TCF12: variants seen among roughly 807,000 people sequenced by gnomAD.
The protein encoded by TCF12 is DNA-binding protein HTF4.
TCF12 carries 45 observed loss-of-function variants against 86.0 expected under a neutral mutation model. The ratio of observed to expected loss-of-function variants is 0.52; its 90% CI spans 0.41 to 0.67. The LOEUF (loss-of-function observed/expected upper bound fraction) is 0.67. Ranked by LOEUF, TCF12 falls within the 30% of genes least tolerant of loss-of-function variation. The probability of loss-of-function intolerance (pLI) is 0.00; values close to 1 mark genes in which losing one functional copy is unlikely to be tolerated. For synonymous variants in TCF12, 330 were observed against 299.6 expected (o/e 1.10, Z -1.05); for missense variants, 881 against 859.9 (o/e 1.02, Z -0.31).
intron 3 of TCF12, among the ~76,000 whole-genome samples, chr15:57,020,815 C>G (rs977983240): frequency 3.9e-5 from 6 of 152,088 alleles, no homozygotes; most frequent in African/African-American, 1.2e-4. Flanking sequence ...TCAGGGAAGA[C>G]TTCATGGAAG....
intron 4 of TCF12, among the ~76,000 whole-genome samples, chr15:57,064,623 C>T (rs544775332): frequency 2.0e-5 from 3 of 151,768 alleles, no homozygotes; most frequent in Admixed American, 6.6e-5. Flanking sequence ...AGTGAAACCC[C>T]ATCTCTACTA....
rs141368278 is a variant in TCF12 at position 57,021,900 on chromosome 15, C to T, written c.149-41850C>T. ...ATGTGCAGGGGTCTTTAATCAGTCC[C>T]CGGCTTGTACTGAGGGATGACTGTA... On this transcript the variant is annotated intron_variant, in intron 3 of 20. Transcript: ENST00000333725. 1.9e-3 allele frequency among the ~76,000 whole-genome samples: 284 copies of T among 152,060 alleles called. 3 individuals carry two copies. The highest frequency in any genetic ancestry group is 2.1e-3 in the African/African-American group (89 of 41,474).
intron 5 of TCF12, among the ~76,000 whole-genome samples, chr15:57,110,319 G>A (rs79858447): frequency 2.0e-5 from 3 of 152,106 alleles, no homozygotes; most frequent in Non-Finnish European, 2.9e-5. Context: ...ATAGTTGGGG[G>A]AAAAATGATG....
chr15:56,979,454 C>A lies in TCF12; in HGVS notation c.148+58356C>A, dbSNP rs536810750. ...ACTTGCTTGTTGTGAACCATGCATTCCTGAGAGATGGGCAATGATAGTAGA... is the reference window on the plus strand; with the variant it reads ...ACTTGCTTGTTGTGAACCATGCATTACTGAGAGATGGGCAATGATAGTAGA... On this transcript the variant is annotated intron_variant, in intron 3 of 20. Transcript: ENST00000333725. Among the ~76,000 whole-genome samples, 4 of 152,198 alleles carry A rather than the reference C, an allele frequency of 2.6e-5. No homozygotes were observed. In the South Asian group the frequency reaches 8.3e-4, roughly 32 times the overall value.
chr15:56,982,012 A>T (rs573197719), intron 3 of TCF12, among the ~76,000 whole-genome samples: 1 of 152,260 alleles, frequency 6.6e-6, no homozygotes, highest in East Asian at 1.9e-4. Flanking sequence ...GGGGGAAAAA[A>T]ACACATGTGA....
chr15:57,038,182 A>G (rs1250188455), intron 3 of TCF12, among the ~76,000 whole-genome samples: 1 of 152,140 alleles, frequency 6.6e-6, no homozygotes, highest in Non-Finnish European at 1.5e-5. Flanking sequence ...GCTCATGCCT[A>G]GCACATTGGG....
intron 4 of TCF12, among the ~76,000 whole-genome samples, chr15:57,084,091 T>G (rs1207030412): frequency 6.6e-6 from 1 of 152,212 alleles, no homozygotes; most frequent in Non-Finnish European, 1.5e-5. Flanking sequence ...AAGCATGGGT[T>G]TTAATAAAAT....
intron 5 of TCF12, among the ~76,000 whole-genome samples, chr15:57,149,126 C>CAA (rs1375761492): frequency 6.6e-6 from 1 of 151,958 alleles, no homozygotes; most frequent in Non-Finnish European, 1.5e-5. Context: ...ATAAAAGTGT[C>CAA]AAAATAAATG....
chr15:57,191,739 T>A (rs1938760946), intron 6 of TCF12, among the ~76,000 whole-genome samples: 1 of 151,842 alleles, frequency 6.6e-6, no homozygotes, highest in South Asian at 2.1e-4. Flanking sequence ...GGAGTTTGAG[T>A]CCAGTCTGGC....
chr15:56,960,164 A>G (rs1219497485), intron 3 of TCF12, among the ~76,000 whole-genome samples: 1 of 152,212 alleles, frequency 6.6e-6, no homozygotes, highest in Non-Finnish European at 1.5e-5. Context: ...TGAATTGGAC[A>G]TATTTACTCA....
chr15:57,016,247 A>G (rs1213668444), intron 3 of TCF12, among the ~76,000 whole-genome samples: 1 of 152,216 alleles, frequency 6.6e-6, no homozygotes, highest in Admixed American at 6.5e-5. Context: ...ATTGTTATGT[A>G]TGATAGAATT....
chr15:57,213,951 T>A (rs1169032297), intron 8 of TCF12: 1 of 152,234 alleles, frequency 6.6e-6, no homozygotes, highest in Non-Finnish European at 1.5e-5. Context: ...TCATTGTTTT[T>A]TTTAATGTGT....
At chr15:57,281,158 C>T (rs1283384725) in intron 19 of TCF12, among the ~76,000 whole-genome samples, 1 of 145,530 alleles carries the variant, frequency 6.9e-6, no homozygotes, top group Non-Finnish European at 1.5e-5. Context: ...GGCTAGAGTG[C>T]AGTGGCACGA....
intron 3 of TCF12, among the ~76,000 whole-genome samples, chr15:57,048,392 G>T (rs1680081127): frequency 6.6e-6 from 1 of 152,074 alleles, no homozygotes; most frequent in Non-Finnish European, 1.5e-5. Context: ...CTCACAAGTA[G>T]CTGGGACTAC....
chr15:57,121,530 G>A lies in TCF12; in HGVS notation c.325+29639G>A, dbSNP rs139062058. Among the ~76,000 whole-genome samples the A allele has an allele frequency of 3.7e-3, 566 of 152,248 alleles. 6 individuals are homozygous for A. Among genetic ancestry groups the A allele is most frequent in the African/African-American group, 0.013 (547 of 41,542 alleles). ...ACGCCTTATGAAGTGGCTCAAGGTC[G>A]AAAGGCGCACCTTCTTGCCCTTCCA... On this transcript the variant is annotated intron_variant, in intron 5 of 20. Transcript: ENST00000333725.
At chr15:57,094,283 A>AG (rs1239006235) in intron 5 of TCF12, among the ~76,000 whole-genome samples, 5 of 152,348 alleles carry the variant, frequency 3.3e-5, no homozygotes, top group Admixed American at 3.3e-4. Flanking sequence ...ATGATTAAGT[A>AG]GATAGGTTCA....
intron 3 of TCF12, among the ~76,000 whole-genome samples, chr15:57,061,171 T>A (rs1364993386): frequency 2.0e-5 from 3 of 152,254 alleles, no homozygotes; most frequent in Non-Finnish European, 4.4e-5. Context: ...TTTATAGAAG[T>A]AGAGTCACTT....
chr15:57,139,855 T>C (rs146926019), intron 5 of TCF12, among the ~76,000 whole-genome samples: 143 of 152,314 alleles, frequency 9.4e-4, no homozygotes, highest in African/African-American at 3.4e-3. Context: ...GAAATTACAG[T>C]AAGCCAGAAA....
At chr15:57,109,670 T>G (rs1245731558) in intron 5 of TCF12, among the ~76,000 whole-genome samples, 2 of 152,218 alleles carry the variant, frequency 1.3e-5, no homozygotes, top group Non-Finnish European at 2.9e-5. Context: ...TTTGTTGAGA[T>G]GGATACTATT....
Sources: allele counts gnomAD v4.1 joint callset (sites outside exome capture counted in the v4.1 genomes callset), GRCh38; gene constraint gnomAD v4.1.1; transcripts MANE v1.5; gene names NCBI Gene and HGNC (gene_info 2026-07-23, HGNC 2026-07-21).